MAP7: variants seen among roughly 807,000 people sequenced by gnomAD.
MAP7 encodes the protein microtubule associated protein 7.
MAP7 carries 52 observed loss-of-function variants against 94.8 expected under a neutral mutation model. The ratio of observed to expected loss-of-function variants is 0.55; its 90% CI spans 0.44 to 0.69. The LOEUF (loss-of-function observed/expected upper bound fraction) is 0.69, where lower values mean the gene tolerates loss of function less well. MAP7 is among the 30% of genes least tolerant of loss of function. The pLI, the probability that MAP7 is intolerant of heterozygous loss-of-function variation, is 0.00. For missense variants in MAP7, 940 were observed against 964.6 expected (o/e 0.97, Z 0.34); for synonymous variants, 350 against 357.0 (o/e 0.98, Z 0.22).
intron 1 of MAP7, among the ~76,000 whole-genome samples, chr6:136,548,780 C>A (rs2129063855): frequency 6.6e-6 from 1 of 152,294 alleles, no homozygotes; most frequent in East Asian, 1.9e-4. Context: ...ACACTTAGCT[C>A]GCTAGAACAA....
intron 1 of MAP7, among the ~76,000 whole-genome samples, chr6:136,461,933 T>C (rs994235317): frequency 4.6e-5 from 7 of 152,218 alleles, no homozygotes; most frequent in African/African-American, 1.7e-4. Context: ...TCACATATTT[T>C]AAAACTTTAA....
intron 1 of MAP7, among the ~76,000 whole-genome samples, chr6:136,446,990 T>C (rs1368152333): frequency 6.6e-6 from 1 of 152,204 alleles, no homozygotes; most frequent in African/African-American, 2.4e-5. Flanking sequence ...CATTTCTGGG[T>C]ATAAAATTTC....
At chr6:136,425,488 C>T (rs1792873576) in intron 1 of MAP7, among the ~76,000 whole-genome samples, 1 of 152,116 alleles carries the variant, frequency 6.6e-6, no homozygotes, top group Non-Finnish European at 1.5e-5. Context: ...TTTTATGTTT[C>T]AATCTAATAG....
At chr6:136,375,696 C>A (rs756594197) in intron 7 of MAP7, among the ~76,000 whole-genome samples, 1 of 152,112 alleles carries the variant, frequency 6.6e-6, no homozygotes, top group Admixed American at 6.5e-5. Flanking sequence ...ATCGATGAAA[C>A]TGGTGACAAT....
At chr6:136,487,688 G>A (rs1183119295) in intron 1 of MAP7, among the ~76,000 whole-genome samples, 4 of 151,652 alleles carry the variant, frequency 2.6e-5, no homozygotes, top group Admixed American at 2.6e-4. Context: ...CCACCTGGGA[G>A]ACAGAGCATG....
At chr6:136,364,177 T>C in intron 10 of MAP7, 2 of 503,608 alleles carry the variant, frequency 4.0e-6, no homozygotes, top group Non-Finnish European at 4.0e-6. Flanking sequence ...GGCTCGGCCC[T>C]CATTCTGCAT....
At position 136,383,694 on chromosome 6, in the gene MAP7, G is replaced by A; in HGVS notation, c.614C>T (p.Thr205Ile). Residue 205 changes from threonine to isoleucine, a missense_variant, in exon 6 of 18, where the codon ACT becomes ATT. Transcript: ENST00000354570. ...ISKRLSSSSA[T>I]LLNSPDRARR... is the part of the protein sequence containing the mutation. Reference sequence around the variant, plus strand: ...ACCTCTATCTGGAGAATTTAGTAAAGTTGCAGATGAAGAGGAGAGCCGCTT... The same window carrying A: ...ACCTCTATCTGGAGAATTTAGTAAAATTGCAGATGAAGAGGAGAGCCGCTT... 1.2e-6 allele frequency: 2 copies of A among 1,606,344 alleles called. No homozygotes were observed. The highest frequency in any genetic ancestry group is 1.7e-6 in the Non-Finnish European group (2 of 1,174,788).
At chr6:136,527,273 G>A (rs1398957818) in intron 1 of MAP7, among the ~76,000 whole-genome samples, 1 of 152,156 alleles carries the variant, frequency 6.6e-6, no homozygotes, top group Non-Finnish European at 1.5e-5. Context: ...TAAAATGTGT[G>A]CTGTCTCCAA....
intron 4 of MAP7, among the ~76,000 whole-genome samples, chr6:136,388,820 A>G (rs1318821294): frequency 6.6e-6 from 1 of 152,150 alleles, no homozygotes; most frequent in East Asian, 1.9e-4. Flanking sequence ...GCTTCAACTG[A>G]TGCTTATACG....
chr6:136,474,380 G>A (rs1393461574), intron 1 of MAP7, among the ~76,000 whole-genome samples: 2 of 152,160 alleles, frequency 1.3e-5, no homozygotes, highest in East Asian at 1.9e-4. Flanking sequence ...GTAGAGCAGT[G>A]AGCCCAGTTC....
In MAP7 at chr6:136,373,434, G is replaced by A. The variant is rs552269471; in HGVS notation, c.752-809C>T. The stretch of plus-strand genomic sequence containing the variant: ...GATCTGCCAAATGTAAGGTTGAACC[G>A]TGAAGAACCTTTACAGTTTTACTCA... On this transcript the variant is annotated intron_variant, in intron 7 of 17. Coordinates refer to ENST00000354570, the MANE Select transcript of MAP7 (RefSeq NM_003980.6). Among the ~76,000 whole-genome samples, 9 of 152,286 alleles carry A rather than the reference G, an allele frequency of 5.9e-5. No homozygotes were observed. The South Asian group carries it at 1.0e-3, about 18-fold the overall frequency.
intron 16 of MAP7, among the ~76,000 whole-genome samples, chr6:136,355,092 T>C (rs1235887814): frequency 6.6e-6 from 1 of 151,972 alleles, no homozygotes; most frequent in Non-Finnish European, 1.5e-5. Context: ...GTGTGTCTCC[T>C]TGAACCCAGG....
intron 1 of MAP7, among the ~76,000 whole-genome samples, chr6:136,548,827 A>C (rs3799473): frequency 0.24 from 36,568 of 152,194 alleles, 5,296 homozygotes; most frequent in African/African-American, 0.39. Flanking sequence ...CAGGGTTAGG[A>C]ACGAAAATCA....
At chr6:136,345,695 T>C (rs1787487388) in intron 17 of MAP7, 161 bp downstream of exon 17, 1 of 716,064 alleles carries the variant, frequency 1.4e-6, no homozygotes, top group African/African-American at 1.7e-5. Flanking sequence ...AACTCAAAAT[T>C]CAATTTCTAT....
chr6:136,353,848 C>T lies in MAP7; in HGVS notation c.2015+2844G>A, dbSNP rs926073284. Among the ~76,000 whole-genome samples the T allele has an allele frequency of 5.9e-5, 9 of 152,180 alleles. No individual in the cohort carries two copies. In the South Asian group the frequency reaches 1.5e-3, roughly 25 times the overall value. ...GATTACAGGCGTAAGCCACCATGCC[C>T]GGCTGGTATTTAGTATTTGAGGGGC... On this transcript the variant is annotated intron_variant, in intron 16 of 17. Transcript: ENST00000354570.
At chr6:136,406,591 CG>C (rs1467915178) in intron 3 of MAP7, among the ~76,000 whole-genome samples, 2 of 152,130 alleles carry the variant, frequency 1.3e-5, no homozygotes, top group East Asian at 1.9e-4. Context: ...GAGGTCAAGG[CG>C]GGCAAATCCC....
intron 2 of MAP7, among the ~76,000 whole-genome samples, chr6:136,412,018 A>C (rs969830929): frequency 1.3e-5 from 2 of 152,200 alleles, no homozygotes; most frequent in African/African-American, 2.4e-5. Flanking sequence ...TTATGCTTTA[A>C]AAAGTCTGTT....
chr6:136,479,172 G>A (rs1311757145), intron 1 of MAP7, among the ~76,000 whole-genome samples: 3 of 152,156 alleles, frequency 2.0e-5, no homozygotes, highest in African/African-American at 7.2e-5. Flanking sequence ...CATTCATCAC[G>A]ACCCAGTGGG....
chr6:136,461,648 T>C (rs1805255530), intron 1 of MAP7, among the ~76,000 whole-genome samples: 1 of 152,208 alleles, frequency 6.6e-6, no homozygotes, highest in South Asian at 2.1e-4. Flanking sequence ...GATTAAGGCA[T>C]TATCTTTTAA....
Sources: gnomAD v4.1 joint callset for allele counts (sites outside exome capture counted in the v4.1 genomes callset) on GRCh38, gnomAD v4.1.1 for gene constraint, MANE v1.5 for transcripts, NCBI Gene and HGNC (gene_info 2026-07-23, HGNC 2026-07-21) for gene names.